Variants in NPR3 observed in about 807,000 individuals in gnomAD.
NPR3 encodes natriuretic peptide receptor 3, also known as atrial natriuretic peptide receptor 3.
NPR3 carries 34 observed loss-of-function variants against 54.5 expected under a neutral mutation model. The ratio of observed to expected loss-of-function variants is 0.62; its 90% CI spans 0.47 to 0.83. NPR3 has a LOEUF of 0.83. Among genes scored for constraint, NPR3 ranks in the 40% least tolerant of loss-of-function variants. The pLI is 0.00. For synonymous variants in NPR3, 289 were observed against 297.1 expected (o/e 0.97, Z 0.28); for missense variants, 674 against 720.8 (o/e 0.94, Z 0.74).
chr5:32,721,472 A>G (rs891277928), intron 1 of NPR3, among the ~76,000 whole-genome samples: 4 of 152,052 alleles, frequency 2.6e-5, no homozygotes, highest in Non-Finnish European at 5.9e-5. Context: ...ACAAAACTCT[A>G]TCTATACAAA....
chr5:32,737,450 G>T (rs1739808425), intron 2 of NPR3, among the ~76,000 whole-genome samples: 1 of 152,210 alleles, frequency 6.6e-6, no homozygotes, highest in East Asian at 1.9e-4. Flanking sequence ...TTCAGGAAGA[G>T]TAGAGTGAGT....
At position 32,711,443 on chromosome 5, in the gene NPR3, TAAG is replaced by T; in HGVS notation, c.-330_-328del. The stretch of plus-strand genomic sequence containing the variant: ...AAAAGCAACCTTAGCAACGCCCAAA[TAAG>T]AAGCCACCTCTAAGCAAAATAGTAT... On this transcript the variant is annotated 5_prime_UTR_variant, in exon 1 of 8. Transcript: ENST00000265074. 1 of 1,062,214 alleles carries T rather than the reference TAAG, an allele frequency of 9.4e-7. No homozygotes were observed. Among genetic ancestry groups the T allele is most frequent in the Non-Finnish European group, 1.1e-6 (1 of 881,536 alleles). 65.8% of individuals were successfully genotyped at this position (1,062,214 alleles called of 1,614,324 possible). A position where few individuals can be genotyped will look rare whatever the true frequency, so the allele number is the denominator to read the frequency against.
chr5:32,716,853 T>C (rs1028895789), intron 1 of NPR3: 1 of 153,846 alleles, frequency 6.5e-6, no homozygotes, highest in Non-Finnish European at 1.4e-5. Context: ...TGAGTGTTTT[T>C]TTATTATTAT....
rs201183072 is a variant in NPR3, at chr5:32,786,299, G to A, written c.1580G>A (p.Arg527Gln). Reference protein sequence around the residue: ...QQEESNLGKHRELREDSIRSH... With the variant: ...QQEESNLGKHQELREDSIRSH... ...GAAGAAAGTAACCTTGGAAAACATC[G>A]GGAATTACGGGAAGATTCCATCAGA... is the stretch of plus-strand genomic sequence containing the variant. The change falls in exon 8 of 8, where the codon CGG becomes CAG. Residue 527 changes from arginine to glutamine, a missense_variant. Transcript: ENST00000265074. The A allele has an allele frequency of 3.1e-6, 5 of 1,589,056 alleles. No homozygotes were observed. The highest frequency in any genetic ancestry group is 2.7e-5 in the African/African-American group (2 of 74,480).
chr5:32,710,503 C>A, upstream of NPR3: 1 of 740,284 alleles, frequency 1.4e-6, no homozygotes, highest in Non-Finnish European at 2.0e-6. Flanking sequence ...TTCCTGCTCT[C>A]AGTGCGCTGA....
At chr5:32,782,806 C>T (rs1303191433) in intron 5 of NPR3, 87 bp from the exon 6 acceptor site, 4 of 1,306,210 alleles carry the variant, frequency 3.1e-6, no homozygotes, top group Middle Eastern at 1.9e-4. Flanking sequence ...TCAGGCTGTA[C>T]ATTTTGGGGA....
rs1368028744 is a variant in NPR3, at chr5:32,711,736, C to A, written c.-41C>A. 7.1e-7 allele frequency: 1 copy of A among 1,411,096 alleles called. No homozygotes were observed. The highest frequency in any genetic ancestry group is 9.2e-7 in the Non-Finnish European group (1 of 1,083,736). 87.4% of individuals were successfully genotyped at this position (1,411,096 alleles called of 1,614,324 possible). On this transcript the variant is annotated 5_prime_UTR_variant, in exon 1 of 8. Coordinates refer to ENST00000265074, the MANE Select transcript of NPR3 (RefSeq NM_001204375.2). ...GGAAGGGTGGGTGGGGGGCAGAGGGCGAGTCGGCGGCGGCGAGGGCAAGCT... is the reference window on the plus strand; with the variant it reads ...GGAAGGGTGGGTGGGGGGCAGAGGGAGAGTCGGCGGCGGCGAGGGCAAGCT...
At chr5:32,713,912 T>C (rs577982350) in intron 1 of NPR3, among the ~76,000 whole-genome samples, 2 of 152,334 alleles carry the variant, frequency 1.3e-5, no homozygotes, top group East Asian at 3.9e-4. Context: ...GCCGAATTCC[T>C]ACCAGCCAAG....
At chr5:32,702,659 CATT>C (rs987340344) in intron 1 of NPR3, among the ~76,000 whole-genome samples, 1 of 152,056 alleles carries the variant, frequency 6.6e-6, no homozygotes, top group African/African-American at 2.4e-5. Flanking sequence ...TCCAGTCTGT[CATT>C]GTTGGACATT....
At position 32,712,517 on chromosome 5, in the gene NPR3, C is replaced by T; in HGVS notation, c.741C>T (p.Ile247=). 1 of 1,539,026 alleles carries T rather than the reference C, an allele frequency of 6.5e-7. No individual in the cohort carries two copies. ...CCAAAGACTTGGATCTGGAAGACAT[C>T]GTGCGCAATATCCAGGCCAGTGAGA... ...DETKDLDLED[I]VRNIQASERV... The change falls in exon 1 of 8, where the codon ATC becomes ATT. Residue 247 remains isoleucine (I), a synonymous_variant. Coordinates refer to ENST00000265074, the MANE Select transcript of NPR3 (RefSeq NM_001204375.2).
intron 3 of NPR3, among the ~76,000 whole-genome samples, chr5:32,752,967 A>G (rs1404950900): frequency 2.0e-5 from 3 of 152,244 alleles, no homozygotes; most frequent in Non-Finnish European, 4.4e-5. Flanking sequence ...ATATTTGAAG[A>G]ACTTGGGAAT....
chr5:32,730,008 C>T (rs777313201), intron 2 of NPR3, among the ~76,000 whole-genome samples: 3 of 152,186 alleles, frequency 2.0e-5, no homozygotes, highest in African/African-American at 4.8e-5. Context: ...GGATCTCACA[C>T]TGCCATTTAG....
rs556583728 is a variant in NPR3 at position 32,787,596 on chromosome 5, A to G, written c.*1251A>G. 6.6e-6 allele frequency: 1 copy of G among 152,324 alleles called. No homozygotes were observed. Among genetic ancestry groups the G allele is most frequent in the South Asian group, 2.1e-4 (1 of 4,830 alleles). The allele number at this position is 152,324 out of a possible 1,614,324, so 9.4% of individuals were successfully genotyped here. On this transcript the variant is annotated 3_prime_UTR_variant, in exon 8 of 8. Coordinates refer to ENST00000265074, the MANE Select transcript of NPR3 (RefSeq NM_001204375.2). Reference sequence around the variant, plus strand: ...TTTGTTTAAAAGAGGGAACCTAAATATCTACTCTATTCCCTTTCAGTTAAC... The same window carrying G: ...TTTGTTTAAAAGAGGGAACCTAAATGTCTACTCTATTCCCTTTCAGTTAAC...
intron 3 of NPR3, 148 bp downstream of exon 3, chr5:32,739,178 TGTGTG>T (rs369402429): frequency 1.4e-5 from 10 of 690,838 alleles, no homozygotes; most frequent in East Asian, 2.9e-5. Context: ...TGTGTGTGTG[TGTGTG>T]TTTTTTTTTT....
In NPR3 at chr5:32,791,599, T is replaced by C. The variant is rs1742915194; in HGVS notation, c.*5254T>C. On this transcript the variant is annotated 3_prime_UTR_variant, in exon 8 of 8. Transcript: ENST00000265074. ...GTGCGAACTGGTCATTTAAAATATC[T>C]ACTTCATTTGATGTTTGGATATAAA... 6.0e-6 allele frequency: 1 copy of C among 167,092 alleles called. No individual in the cohort carries two copies. Among genetic ancestry groups the C allele is most frequent in the African/African-American group, 2.4e-5 (1 of 41,472 alleles). The allele number at this position is 167,092 out of a possible 1,614,324, so 10.4% of individuals were successfully genotyped here.
rs1256638485 is a variant in NPR3, at chr5:32,729,027, TTTG to T, written c.892+4210_892+4212del. Among the ~76,000 whole-genome samples, 500 of 96,358 alleles carry T rather than the reference TTTG, an allele frequency of 5.2e-3. 15 individuals are homozygous for T. Among genetic ancestry groups the T allele is most frequent in the Admixed American group, 9.9e-3 (81 of 8,208 alleles). The allele number at this position is 96,358 out of a possible 152,430, so 63.2% of individuals were successfully genotyped here. On this transcript the variant is annotated intron_variant, in intron 2 of 7. Coordinates refer to ENST00000265074, the MANE Select transcript of NPR3 (RefSeq NM_001204375.2). ...GTGTGCCTGTGTGTTTTTTTTTTTT[TTTG>T]TTTTGTTTTTTTTTTTTGAGACGGA...
chr5:32,778,535 C>A (rs1333762141), intron 4 of NPR3, among the ~76,000 whole-genome samples: 1 of 152,122 alleles, frequency 6.6e-6, no homozygotes, highest in Non-Finnish European at 1.5e-5. Context: ...CAATAAATGG[C>A]CTGGGAAGAA....
At chr5:32,738,774 A>G in intron 2 of NPR3, 90 bp from the exon 3 acceptor site, 3 of 1,154,078 alleles carry the variant, frequency 2.6e-6, no homozygotes, top group Non-Finnish European at 3.7e-6. Context: ...GCCAAAAGTA[A>G]CATGCGGGGG....
intron 5 of NPR3, among the ~76,000 whole-genome samples, chr5:32,782,203 A>G (rs1180215737): frequency 6.6e-6 from 1 of 152,042 alleles, no homozygotes; most frequent in Non-Finnish European, 1.5e-5. Context: ...GGAGAGTGCA[A>G]CTCTTGAAGA....
Sources: gnomAD v4.1 joint callset for allele counts (sites outside exome capture counted in the v4.1 genomes callset) on GRCh38, gnomAD v4.1.1 for gene constraint, MANE v1.5 for transcripts, NCBI Gene and HGNC (gene_info 2026-07-23, HGNC 2026-07-21) for gene names.